The following OR10H1 variants were observed in gnomAD, a reference collection of about 807,000 sequenced individuals.
The protein encoded by OR10H1 is olfactory receptor 10H1.
In OR10H1, 12 loss-of-function variants were observed where a neutral mutation model predicts 13.1. The ratio of observed to expected loss-of-function variants is 0.92; its 90% CI spans 0.59 to 1.48. The LOEUF (loss-of-function observed/expected upper bound fraction) is 1.48, where lower values mean the gene tolerates loss of function less well. Among genes scored for constraint, OR10H1 ranks in the 40% most tolerant of loss-of-function variants. The pLI is 0.00. For synonymous variants in OR10H1, 168 were observed against 175.6 expected (o/e 0.96, Z 0.34); for missense variants, 363 against 413.1 (o/e 0.88, Z 1.05).
chr19:15,813,086 T>C (rs915086631), intron 1 of OR10H1, among the ~76,000 whole-genome samples: 7 of 151,766 alleles, frequency 4.6e-5, no homozygotes, highest in Non-Finnish European at 8.8e-5. Flanking sequence ...CTAATGTAAC[T>C]GTGGATTTCA....
At chr19:15,813,678 G>T (rs2088947588) in intron 1 of OR10H1, among the ~76,000 whole-genome samples, 1 of 142,658 alleles carries the variant, frequency 7.0e-6, no homozygotes. Flanking sequence ...GGAGGTGGGG[G>T]GAGAGAGAGA....
In OR10H1 at chr19:15,807,991, C is replaced by T. The variant is rs950453004; in HGVS notation, c.47G>A (p.Gly16Asp). Residue 16 changes from glycine to aspartate, a missense_variant, in exon 4 of 4, where the codon GGC (glycine) becomes GAC (aspartate). Physicochemically the swap from Gly to Asp is moderately conservative, Grantham distance 94. This residue lies in a region of OR10H1 where 318 missense variants were observed against 366.6 expected (regional missense o/e 0.87). Transcript: ENST00000641419. ...HSTVTQFILV[G>D]FSVFPHLQLM... ...CTGGAGGTGGGGGAAGACAGAGAAGCCGACGAGGATGAATTGGGTCACTGT... is the reference window on the plus strand; with the variant it reads ...CTGGAGGTGGGGGAAGACAGAGAAGTCGACGAGGATGAATTGGGTCACTGT... The T allele has an allele frequency of 6.2e-7, 1 of 1,614,068 alleles. No individual in the cohort carries two copies. Among genetic ancestry groups the T allele is most frequent in the Non-Finnish European group, 8.5e-7 (1 of 1,180,000 alleles).
rs1191142356 is a variant in OR10H1 at position 15,815,629 on chromosome 19, C to T, written c.-852G>A. On this transcript the variant is annotated 5_prime_UTR_variant, in exon 1 of 4. Transcript: ENST00000641419. ...TTTGGAGTTTCTCCACAGGTGGGAGCTGACCAGGTGTGGGCTGCACCAAGC... is the reference window on the plus strand; with the variant it reads ...TTTGGAGTTTCTCCACAGGTGGGAGTTGACCAGGTGTGGGCTGCACCAAGC... 6.6e-6 allele frequency: 1 copy of T among 152,260 alleles called. No individual in the cohort carries two copies. Among genetic ancestry groups the T allele is most frequent in the Non-Finnish European group, 1.5e-5 (1 of 68,072 alleles). The allele number at this position is 152,260 out of a possible 1,614,324, so 9.4% of individuals were successfully genotyped here.
In OR10H1 at chr19:15,807,880, C is replaced by T. The variant is rs373703831; in HGVS notation, c.158G>A (p.Arg53His). The change falls in exon 4 of 4, where the codon CGC becomes CAC. Residue 53 changes from arginine (R) to histidine (H), a missense_variant. By Grantham distance (29) the Arg-to-His change is conservative. Around this residue, in one of 3 missense-constraint regions of OR10H1, gnomAD observed 318 missense variants for 366.6 expected, o/e 0.87. Transcript: ENST00000641419. ...GAGGTACATGGGCGTGTGGAGGCTG[C>T]GCTCGCTCCAGACGGTGGCCATGAT... Reference protein sequence around the residue: ...LLIMATVWSERSLHTPMYLFL... With the variant: ...LLIMATVWSEHSLHTPMYLFL... 12 of 1,613,730 alleles carry T rather than the reference C, an allele frequency of 7.4e-6. No homozygotes were observed. Among genetic ancestry groups the T allele is most frequent in the Middle Eastern group, 1.6e-4 (1 of 6,078 alleles).
intron 1 of OR10H1, among the ~76,000 whole-genome samples, chr19:15,814,485 G>GT (rs1213373436): frequency 1.4e-3 from 46 of 33,248 alleles, no homozygotes; most frequent in African/African-American, 5.0e-3. Context: ...GTGTGTGAGA[G>GT]AGAGAGAGAG....
Position 15,807,249 on chromosome 19 carries a change from G to T in OR10H1, c.789C>A (p.Pro263=). The T allele has an allele frequency of 6.2e-7, 1 of 1,614,130 alleles. No individual in the cohort carries two copies. Among genetic ancestry groups the T allele is most frequent in the Non-Finnish European group, 8.5e-7 (1 of 1,180,032 alleles). ...CTCCTTCCAGAGACTGGGGACTTTT[G>T]GGCTTCAGGTAAATGACGGAGGCAA... The part of the protein sequence containing the change: ...YGFASVIYLK[P]KSPQSLEGDT... Residue 263 remains proline, a synonymous_variant, in exon 4 of 4, where the codon CCC becomes CCA. Coordinates refer to ENST00000641419, the MANE Select transcript of OR10H1 (RefSeq NM_013940.4).
At chr19:15,812,196 AGCCTGTCTT>A (rs1288657910) in intron 2 of OR10H1, 25 bp downstream of exon 2, 1 of 152,162 alleles carries the variant, frequency 6.6e-6, no homozygotes, top group Non-Finnish European at 1.5e-5. Flanking sequence ...TTGATCTCAA[AGCCTGTCTT>A]TTCCTAACCT....
chr19:15,814,958 G>C (rs537168000), intron 1 of OR10H1, among the ~76,000 whole-genome samples: 1 of 152,080 alleles, frequency 6.6e-6, no homozygotes, highest in Non-Finnish European at 1.5e-5. Context: ...ATCACCTTGG[G>C]TCACATTGAG....
Position 15,815,587 on chromosome 19 carries a change from C to T in OR10H1, c.-810G>A, listed in dbSNP as rs998017973. Reference sequence around the variant, plus strand: ...TCCAGGCATCTGCTTCTGCTTCATCCCAGTAGGAGGCTCTAGTTTGGAGTT... The same window carrying T: ...TCCAGGCATCTGCTTCTGCTTCATCTCAGTAGGAGGCTCTAGTTTGGAGTT... On this transcript the variant is annotated 5_prime_UTR_variant, in exon 1 of 4. Coordinates refer to ENST00000641419, the MANE Select transcript of OR10H1 (RefSeq NM_013940.4). 6.6e-6 allele frequency: 1 copy of T among 152,272 alleles called. No homozygotes were observed. Among genetic ancestry groups the T allele is most frequent in the Non-Finnish European group, 1.5e-5 (1 of 68,104 alleles). 9.4% of individuals were successfully genotyped at this position (152,272 alleles called of 1,614,324 possible).
intron 1 of OR10H1, among the ~76,000 whole-genome samples, chr19:15,814,886 C>G (rs150677817): frequency 6.0e-4 from 91 of 152,280 alleles, no homozygotes; most frequent in African/African-American, 2.1e-3. Flanking sequence ...CCGCCTCTTC[C>G]CAATCCTTTT....
chr19:15,808,886 G>A (rs1403009879), intron 2 of OR10H1, 45 bp from the exon 3 acceptor site: 1 of 151,984 alleles, frequency 6.6e-6, no homozygotes, highest in Non-Finnish European at 1.5e-5. Flanking sequence ...AGAAGAAGAA[G>A]AAAAACATAT....
chr19:15,807,140 C>A lies in OR10H1; in HGVS notation c.898G>T (p.Val300Phe), dbSNP rs143591803. 2.8e-5 allele frequency: 46 copies of A among 1,614,114 alleles called. No homozygotes were observed. In the African/African-American group the frequency reaches 5.3e-4, roughly 19 times the overall value. ...IFSLRNKELK[V>F]AMKKTFFSKL... ...CTGAAGAAGGTCTTCTTCATGGCGACCTTCAGCTCCTTGTTCCTGAGGCTG... is the reference window on the plus strand; with the variant it reads ...CTGAAGAAGGTCTTCTTCATGGCGAACTTCAGCTCCTTGTTCCTGAGGCTG... The change falls in exon 4 of 4, where the codon GTC (valine) becomes TTC (phenylalanine). Residue 300 changes from valine to phenylalanine, a missense_variant. By Grantham distance (50) the Val-to-Phe change is conservative. Around this residue, in one of 3 missense-constraint regions of OR10H1, gnomAD observed 42 missense variants for 30.3 expected, o/e 1.39. Transcript: ENST00000641419.
Position 15,805,918 on chromosome 19 carries a change from A to G in OR10H1, c.*1163T>C, listed in dbSNP as rs2088893487. The G allele has an allele frequency of 6.6e-6, 1 of 152,162 alleles. No homozygotes were observed. The highest frequency in any genetic ancestry group is 2.4e-5 in the African/African-American group (1 of 41,428). The allele number at this position is 152,162 out of a possible 1,614,324, so 9.4% of individuals were successfully genotyped here. A position where few individuals can be genotyped will look rare whatever the true frequency, so the allele number is the denominator to read the frequency against. ...CTCAGTCTCTCCACAACTATTCAAG[A>G]CTCACACTTGAAATTCTAAGGTTTC... On this transcript the variant is annotated 3_prime_UTR_variant, in exon 4 of 4. Coordinates refer to ENST00000641419, the MANE Select transcript of OR10H1 (RefSeq NM_013940.4).
chr19:15,815,156 T>A (rs1357196087), intron 1 of OR10H1, among the ~76,000 whole-genome samples: 1 of 152,020 alleles, frequency 6.6e-6, no homozygotes, highest in Admixed American at 6.6e-5. Flanking sequence ...CTGTCCAGCA[T>A]GGTGAAACCC....
intron 1 of OR10H1, among the ~76,000 whole-genome samples, chr19:15,813,974 C>G (rs539072189): frequency 6.6e-6 from 1 of 151,946 alleles, no homozygotes; most frequent in African/African-American, 2.4e-5. Flanking sequence ...CAGGAACACC[C>G]GGTGGGGCCA....
At chr19:15,814,468 TGTGTGTGTGTGTGAGAGAGAGA>T (rs1210697442) in intron 1 of OR10H1, among the ~76,000 whole-genome samples, 13 of 106,410 alleles carry the variant, frequency 1.2e-4, no homozygotes, top group Middle Eastern at 5.3e-3. Flanking sequence ...TGTGTGTGTG[TGTGTGTGTGTGTGAGAGAGAGA>T]GAGAGAGAGA....
chr19:15,807,324 G>A lies in OR10H1; in HGVS notation c.714C>T (p.Ala238=), dbSNP rs1252180715. The change falls in exon 4 of 4, where the codon GCC becomes GCT. Residue 238 remains alanine (A), a synonymous_variant. Transcript: ENST00000641419. The part of the protein sequence containing the change: ...KIPSAEGRNK[A]FSTCASHLTV... ...TGAGGTGAGAGGCACAGGTGGAGAA[G>A]GCCTTGTTCCGACCTTCAGCAGAAG... The A allele has an allele frequency of 6.2e-7, 1 of 1,613,848 alleles. No homozygotes were observed. The highest frequency in any genetic ancestry group is 2.2e-5 in the East Asian group (1 of 44,880).
chr19:15,814,411 A>C (rs1213887061), intron 1 of OR10H1, among the ~76,000 whole-genome samples: 1 of 146,318 alleles, frequency 6.8e-6, no homozygotes, highest in Non-Finnish European at 1.5e-5. Flanking sequence ...GCTCCTAACC[A>C]TTCCCTCACC....
chr19:15,814,014 C>A (rs145086016), intron 1 of OR10H1, among the ~76,000 whole-genome samples: 1 of 152,192 alleles, frequency 6.6e-6, no homozygotes, highest in East Asian at 1.9e-4. Flanking sequence ...TAGGGCTAAG[C>A]GTGGCTGTGG....
Sources: allele counts gnomAD v4.1 joint callset (sites outside exome capture counted in the v4.1 genomes callset), GRCh38; gene constraint gnomAD v4.1.1; regional missense constraint gnomAD v4.1.1; transcripts MANE v1.5; gene names NCBI Gene and HGNC (gene_info 2026-07-23, HGNC 2026-07-21).